The following LAMC1 variants were observed in gnomAD, a reference collection of about 807,000 sequenced individuals.
LAMC1 encodes laminin subunit gamma-1.
A neutral mutation model predicts 173.6 loss-of-function variants in LAMC1; 38 were observed. The ratio of observed to expected loss-of-function variants is 0.22; its 90% confidence interval spans 0.17 to 0.29. The LOEUF (loss-of-function observed/expected upper bound fraction) is 0.29, where lower values mean the gene tolerates loss of function less well. Among genes scored for constraint, LAMC1 ranks in the 10% least tolerant of loss-of-function variants. LAMC1 has a pLI of 1.00. For missense variants in LAMC1, 1,824 were observed against 2,051.8 expected (o/e 0.89, Z 2.14); for synonymous variants, 746 against 749.1 (o/e 1.00, Z 0.07).
At chr1:183,130,282 C>A in intron 18 of LAMC1, 62 bp from the exon 19 acceptor site, 1 of 1,411,912 alleles carries the variant, frequency 7.1e-7, no homozygotes, top group Non-Finnish European at 1.0e-6. Flanking sequence ...CCTCAGATTT[C>A]ATGTGAGATG....
chr1:183,124,721 G>A lies in LAMC1; in HGVS notation c.2492G>A (p.Ser831Asn). ...AGACTTTGCCGCCTGTGCCAGTGCA[G>A]TGACAACATCGATCCCAATGCAGTT... Reference protein sequence around the residue: ...PVRLCRLCQCSDNIDPNAVGN... With the variant: ...PVRLCRLCQCNDNIDPNAVGN... Residue 831 changes from serine (S) to asparagine (N), a missense_variant, in exon 14 of 28, where the codon AGT becomes AAT. Transcript: ENST00000258341. 1 of 1,614,236 alleles carries A rather than the reference G, an allele frequency of 6.2e-7. No homozygotes were observed.
intron 1 of LAMC1, among the ~76,000 whole-genome samples, chr1:183,057,334 C>A (rs939872582): frequency 6.6e-6 from 1 of 152,236 alleles, no homozygotes; most frequent in African/African-American, 2.4e-5. Context: ...AGCCCTCATT[C>A]CTTACCACTC....
chr1:183,134,704 A>G lies in LAMC1; in HGVS notation c.3894A>G (p.Gln1298=). Residue 1298 remains glutamine, a synonymous_variant, in exon 23 of 28, where the codon CAA becomes CAG. Transcript: ENST00000258341. Reference sequence around the variant, plus strand: ...AGATGGAAGCTGAGAATCTGGAACAACTGATTGACCAGAAATTAAAAGATT... The same window carrying G: ...AGATGGAAGCTGAGAATCTGGAACAGCTGATTGACCAGAAATTAAAAGATT... ...NIKMEAENLE[Q]LIDQKLKDYE... 6.2e-7 allele frequency: 1 copy of G among 1,613,096 alleles called. No individual in the cohort carries two copies. The highest frequency in any genetic ancestry group is 8.5e-7 in the Non-Finnish European group (1 of 1,179,240).
At chr1:183,126,290 T>G in intron 16 of LAMC1, 28 bp downstream of exon 16, 1 of 1,606,422 alleles carries the variant, frequency 6.2e-7, no homozygotes, top group South Asian at 1.1e-5. Flanking sequence ...CATACAACTC[T>G]AAGCTTCCAC....
chr1:183,135,336 G>A (rs140861878), intron 24 of LAMC1, among the ~76,000 whole-genome samples, 180 bp downstream of exon 24: 1 of 152,064 alleles, frequency 6.6e-6, no homozygotes, highest in Non-Finnish European at 1.5e-5. Context: ...CTTCAGTATG[G>A]ATTTTTTTTT....
chr1:183,130,649 T>C, intron 19 of LAMC1, 100 bp downstream of exon 19: 1 of 838,400 alleles, frequency 1.2e-6, no homozygotes, highest in Non-Finnish European at 1.9e-6. Context: ...CTAAATTGAC[T>C]CCATGCATCT....
chr1:183,134,053 C>T (rs1395597815), intron 22 of LAMC1, among the ~76,000 whole-genome samples: 1 of 152,120 alleles, frequency 6.6e-6, no homozygotes, highest in Non-Finnish European at 1.5e-5. Context: ...AAGACTATAG[C>T]AGGATGTTCT....
Position 183,133,442 on chromosome 1 carries a change from A to G in LAMC1, c.3741A>G (p.Glu1247=). 6.2e-7 allele frequency: 1 copy of G among 1,614,094 alleles called. No homozygotes were observed. Among genetic ancestry groups the G allele is most frequent in the Non-Finnish European group, 8.5e-7 (1 of 1,179,954 alleles). Residue 1247 remains glutamate (E), a synonymous_variant, in exon 22 of 28, where the codon GAA becomes GAG. Transcript: ENST00000258341. The stretch of plus-strand genomic sequence containing the variant: ...CGAAGAACATCTCACAGGATCTGGA[A>G]AAACAAGCTGCCCGAGTACATGAGG... ...EQAKNISQDL[E]KQAARVHEEA...
intron 1 of LAMC1, among the ~76,000 whole-genome samples, chr1:183,045,374 C>T (rs996166011): frequency 4.0e-5 from 6 of 151,844 alleles, no homozygotes; most frequent in African/African-American, 1.5e-4. Flanking sequence ...ATGTTTTAGT[C>T]TTTTGCTTTT....
At position 183,024,005 on chromosome 1, in the gene LAMC1, C is replaced by G. The variant is rs775171730; in HGVS notation, c.289C>G (p.Pro97Ala). 6.2e-7 allele frequency: 1 copy of G among 1,613,124 alleles called. No homozygotes were observed. The highest frequency in any genetic ancestry group is 1.1e-5 in the South Asian group (1 of 91,022). Residue 97 changes from proline to alanine, a missense_variant, in exon 1 of 28, where the codon CCC becomes GCC. Pro to Ala is a conservative substitution (Grantham distance 27, BLOSUM62 -1). Transcript: ENST00000258341. ...CTGTCACCTGTGCGACGCCGGGCAGCCCCACCTGCAGCACGGGGCAGCCTT... is the reference window on the plus strand; with the variant it reads ...CTGTCACCTGTGCGACGCCGGGCAGGCCCACCTGCAGCACGGGGCAGCCTT... ...KSCHLCDAGQ[P>A]HLQHGAAFLT... is the part of the protein sequence containing the mutation.
At chr1:183,065,387 G>A (rs1654852351) in intron 1 of LAMC1, among the ~76,000 whole-genome samples, 1 of 152,142 alleles carries the variant, frequency 6.6e-6, no homozygotes, top group Non-Finnish European at 1.5e-5. Context: ...CTGCAAATTT[G>A]GATAAGAATT....
In LAMC1 at chr1:183,128,723, C is replaced by G; in HGVS notation, c.3253C>G (p.Leu1085Val). The G allele has an allele frequency of 6.2e-7, 1 of 1,613,220 alleles. No individual in the cohort carries two copies. The highest frequency in any genetic ancestry group is 8.5e-7 in the Non-Finnish European group (1 of 1,179,428). Reference sequence around the variant, plus strand: ...GGAAGCAGAGAGGGAAGTTATGGACCTCCTTCGTGAGGCCCAGGATGTCAA... The same window carrying G: ...GGAAGCAGAGAGGGAAGTTATGGACGTCCTTCGTGAGGCCCAGGATGTCAA... The part of the protein sequence containing the change: ...LKEAEREVMD[L>V]LREAQDVKDV... Residue 1085 changes from leucine (L) to valine (V), a missense_variant, in exon 18 of 28, where the codon CTC (leucine) becomes GTC (valine). Physicochemically the swap from Leu to Val is conservative, Grantham distance 32. Coordinates refer to ENST00000258341, the MANE Select transcript of LAMC1 (RefSeq NM_002293.4).
intron 6 of LAMC1, 65 bp downstream of exon 6, chr1:183,115,702 A>T: frequency 9.5e-7 from 1 of 1,052,282 alleles, no homozygotes; most frequent in East Asian, 2.4e-5. Flanking sequence ...ATATTAATAG[A>T]TCTTATGGCT....
In LAMC1 at chr1:183,112,137, T is replaced by TTTC. The variant is rs1162219046; in HGVS notation, c.1021+1486_1021+1488dup. Among the ~76,000 whole-genome samples the TTTC allele has an allele frequency of 3.3e-5, 5 of 152,152 alleles. No homozygotes were observed. The East Asian group carries it at 7.7e-4, about 23-fold the overall frequency. ...TTCCACTGAACTGCCGAGAGGAGAT[T>TTTC]TTCTTATTCATCTTTTCAACAAATC... On this transcript the variant is annotated intron_variant, in intron 4 of 27. Coordinates refer to ENST00000258341, the MANE Select transcript of LAMC1 (RefSeq NM_002293.4).
intron 1 of LAMC1, among the ~76,000 whole-genome samples, chr1:183,033,208 CAG>C (rs1363625884): frequency 6.6e-6 from 1 of 152,186 alleles, no homozygotes; most frequent in Non-Finnish European, 1.5e-5. Context: ...TAGACATTAA[CAG>C]ATATTTGTTG....
rs370017773 is a variant in LAMC1, at chr1:183,121,711, C to A, written c.1991-12C>A. 2 of 1,605,008 alleles carry A rather than the reference C, an allele frequency of 1.2e-6. No homozygotes were observed. The highest frequency in any genetic ancestry group is 1.7e-6 in the Non-Finnish European group (2 of 1,174,632). The stretch of plus-strand genomic sequence containing the variant: ...GCCAGTTCAGTGATTTTCTTTTCCT[C>A]ACTATACACAGGTGCTGGATATTTG... On this transcript the variant is annotated splice_polypyrimidine_tract_variant and intron_variant, in intron 11 of 27. Coordinates refer to ENST00000258341, the MANE Select transcript of LAMC1 (RefSeq NM_002293.4).
rs1476507023 is a variant in LAMC1 at position 183,136,607 on chromosome 1, A to G, written c.4314+22A>G. ...AAAGGTGTGCGTTTCCTCTTCTCCA[A>G]GAGTCCCTGCCCATATCTTTCTCTG... On this transcript the variant is annotated intron_variant, in intron 25 of 27. Coordinates refer to ENST00000258341, the MANE Select transcript of LAMC1 (RefSeq NM_002293.4). 5 of 1,557,938 alleles carry G rather than the reference A, an allele frequency of 3.2e-6. No individual in the cohort carries two copies. The African/African-American group carries it at 4.1e-5, about 13-fold the overall frequency.
At chr1:183,081,921 A>C (rs1239218469) in intron 1 of LAMC1, among the ~76,000 whole-genome samples, 4 of 151,840 alleles carry the variant, frequency 2.6e-5, no homozygotes, top group Non-Finnish European at 4.4e-5. Flanking sequence ...CTCCTCCCCC[A>C]CCTCCAGGCA....
chr1:183,127,307 G>A lies in LAMC1; in HGVS notation c.3026G>A (p.Gly1009Glu). 1 of 1,614,188 alleles carries A rather than the reference G, an allele frequency of 6.2e-7. No individual in the cohort carries two copies. The highest frequency in any genetic ancestry group is 1.1e-5 in the South Asian group (1 of 91,090). Residue 1009 changes from glycine to glutamate, a missense_variant, in exon 17 of 28, where the codon GGA (glycine) becomes GAA (glutamate). Transcript: ENST00000258341. The part of the protein sequence containing the change: ...GRCECREGFV[G>E]NRCDQCEENY... ...TGTGAATGCAGAGAAGGCTTTGTGGGAAATCGCTGTGACCAGTGTGAAGAA... is the reference window on the plus strand; with the variant it reads ...TGTGAATGCAGAGAAGGCTTTGTGGAAAATCGCTGTGACCAGTGTGAAGAA...
Sources: allele counts gnomAD v4.1 joint callset (sites outside exome capture counted in the v4.1 genomes callset), GRCh38; gene constraint gnomAD v4.1.1; transcripts MANE v1.5; gene names NCBI Gene and HGNC (gene_info 2026-07-23, HGNC 2026-07-21).